Variants in CATSPERE observed in about 807,000 individuals in gnomAD.
CATSPERE encodes cation channel sperm-associated auxiliary subunit epsilon.
CATSPERE carries 93 observed loss-of-function variants against 114.1 expected under a neutral mutation model. The ratio of observed to expected loss-of-function variants is 0.81; its 90% confidence interval spans 0.69 to 0.97. The LOEUF is 0.97. Ranked by LOEUF, CATSPERE falls within the 50% of genes least tolerant of loss-of-function variation. The pLI, the probability that CATSPERE is intolerant of heterozygous loss-of-function variation, is 0.00. For synonymous variants in CATSPERE, 341 were observed against 384.1 expected, an observed-to-expected ratio of 0.89 and a Z score of 1.31; for missense variants, 1,058 against 1,131.6, an observed-to-expected ratio of 0.93 and a Z score of 0.93.
chr1:244,510,020 TCAA>T (rs1239655434), intron 7 of CATSPERE, among the ~76,000 whole-genome samples: 1 of 152,146 alleles, frequency 6.6e-6, no homozygotes, highest in Non-Finnish European at 1.5e-5. Flanking sequence ...TTTTTAAAAA[TCAA>T]CTTTTTGTTT....
upstream of CATSPERE, chr1:244,451,809 G>T: frequency 6.3e-7 from 1 of 1,587,894 alleles, no homozygotes; most frequent in Non-Finnish European, 8.6e-7. This position sits in a 1 kb window ranked among gnomAD's most constrained non-coding sequence, Gnocchi z 6.6. Flanking sequence ...AGGTCTCGGC[G>T]AACGCCATGG....
intron 2 of CATSPERE, among the ~76,000 whole-genome samples, chr1:244,466,452 C>T (rs1314572007): frequency 6.6e-6 from 1 of 152,072 alleles, no homozygotes; most frequent in Non-Finnish European, 1.5e-5. Context: ...TTCCAGATGC[C>T]CTCTAAGGCA....
intron 8 of CATSPERE, among the ~76,000 whole-genome samples, chr1:244,526,039 T>G (rs1039760446): frequency 6.6e-6 from 1 of 152,188 alleles, no homozygotes; most frequent in Non-Finnish European, 1.5e-5. Flanking sequence ...AGCACAAGTC[T>G]GCACTCAATG....
chr1:244,592,968 G>A (rs1476242393), intron 15 of CATSPERE, among the ~76,000 whole-genome samples: 5 of 145,888 alleles, frequency 3.4e-5, no homozygotes, highest in South Asian at 2.3e-4. Context: ...TTCCACTCTC[G>A]TGAGAAATCT....
At chr1:244,507,239 C>A (rs570605771) in intron 7 of CATSPERE, among the ~76,000 whole-genome samples, 18 of 152,142 alleles carry the variant, frequency 1.2e-4, no homozygotes, top group Non-Finnish European at 2.2e-4. Flanking sequence ...ATCCCTTTGA[C>A]ATCCTGATTT....
At chr1:244,564,143 T>C (rs1663035738) in intron 10 of CATSPERE, among the ~76,000 whole-genome samples, 1 of 152,224 alleles carries the variant, frequency 6.6e-6, no homozygotes, top group Non-Finnish European at 1.5e-5. Flanking sequence ...CATGCTGTTT[T>C]GGTTACTGTA....
At chr1:244,634,772 G>A (rs1284263086) in intron 20 of CATSPERE, among the ~76,000 whole-genome samples, 2 of 152,254 alleles carry the variant, frequency 1.3e-5, no homozygotes, top group Admixed American at 1.3e-4. Context: ...AGGAAGGGTT[G>A]CTGTGAAGAT....
At chr1:244,472,818 T>C (rs1018819098) in intron 2 of CATSPERE, among the ~76,000 whole-genome samples, 1 of 152,184 alleles carries the variant, frequency 6.6e-6, no homozygotes. Context: ...AACACTGATC[T>C]TTTAACTGTC....
intron 19 of CATSPERE, among the ~76,000 whole-genome samples, chr1:244,615,926 C>G (rs1671321498): frequency 7.7e-6 from 1 of 129,442 alleles, no homozygotes; most frequent in South Asian, 2.4e-4. Context: ...GAAATCTGGG[C>G]GATATAGTGA....
At chr1:244,453,997 T>G (rs952295573), upstream of CATSPERE, among the ~76,000 whole-genome samples, 1 of 152,222 alleles carries the variant, frequency 6.6e-6, no homozygotes, top group African/African-American at 2.4e-5. Context: ...GAGGATAGTT[T>G]GGAAGGGATA....
intron 8 of CATSPERE, among the ~76,000 whole-genome samples, chr1:244,527,814 G>C (rs553969166): frequency 1.3e-5 from 2 of 152,082 alleles, no homozygotes; most frequent in African/African-American, 4.8e-5. Flanking sequence ...TGGTCCCTCC[G>C]TTCAGGGTCC....
chr1:244,476,920 C>T (rs989907743), intron 2 of CATSPERE, among the ~76,000 whole-genome samples: 2 of 152,170 alleles, frequency 1.3e-5, no homozygotes, highest in African/African-American at 4.8e-5. Context: ...GATCATTTCT[C>T]ATTCGTCTTT....
At chr1:244,638,225 G>A (rs952786261) in intron 21 of CATSPERE, among the ~76,000 whole-genome samples, 1 of 152,128 alleles carries the variant, frequency 6.6e-6, no homozygotes, top group Non-Finnish European at 1.5e-5. Context: ...CCATCCAGTC[G>A]GGTTTCTATC....
At chr1:244,509,053 C>CA (rs1176476108) in intron 7 of CATSPERE, among the ~76,000 whole-genome samples, 1 of 146,996 alleles carries the variant, frequency 6.8e-6, no homozygotes. Flanking sequence ...AACCTTGATC[C>CA]TTTTTTTTTT....
intron 10 of CATSPERE, among the ~76,000 whole-genome samples, chr1:244,571,391 G>T (rs573536600): frequency 6.6e-6 from 1 of 152,192 alleles, no homozygotes; most frequent in Non-Finnish European, 1.5e-5. Flanking sequence ...GCTGTACACA[G>T]AGAATGTCAT....
chr1:244,452,065 TGGTGGCGGCAA>T, upstream of CATSPERE: 3 of 341,592 alleles, frequency 8.8e-6, no homozygotes. Context: ...GAAGAGGCCC[TGGTGGCGGCAA>T]CGGCCGCCAC....
rs114149168 is a variant in CATSPERE, at chr1:244,489,215, C to T, written c.327-1232C>T. On this transcript the variant is annotated intron_variant, in intron 5 of 21. Transcript: ENST00000366534. ...CTGGGCTCAAGCAGTCCTCCTGCCT[C>T]GGGCTCCCAAAGTGCTGGGATTACA... 9.5e-3 allele frequency among the ~76,000 whole-genome samples: 1,444 copies of T among 152,232 alleles called. 9 individuals are homozygous for T. Among genetic ancestry groups the T allele is most frequent in the African/African-American group, 0.019 (792 of 41,552 alleles).
chr1:244,546,114 G>C (rs1659712192), intron 8 of CATSPERE, among the ~76,000 whole-genome samples: 1 of 152,204 alleles, frequency 6.6e-6, no homozygotes, highest in African/African-American at 2.4e-5. Context: ...CAGAGGCCTT[G>C]GGTTTTGGAG....
chr1:244,477,127 C>A (rs938696586), intron 2 of CATSPERE, among the ~76,000 whole-genome samples: 15 of 152,236 alleles, frequency 9.9e-5, no homozygotes, highest in African/African-American at 3.6e-4. Flanking sequence ...TCCTGAGTAG[C>A]AGGGATTACA....
Sources: gnomAD v4.1 joint callset for allele counts (sites outside exome capture counted in the v4.1 genomes callset) on GRCh38, gnomAD v4.1.1 for gene constraint, Gnocchi (gnomAD v3.1) non-coding constraint, MANE v1.5 for transcripts, NCBI Gene and HGNC (gene_info 2026-07-23, HGNC 2026-07-21) for gene names.